The following COL11A1 variants were observed in gnomAD, a reference collection of about 807,000 sequenced individuals.
The protein encoded by COL11A1 is collagen alpha-1(XI) chain.
In COL11A1, 74 loss-of-function variants were observed where a neutral mutation model predicts 265.2. That is an observed-to-expected ratio of 0.28 (90% CI 0.23 to 0.34). The LOEUF is 0.34. Ranked by LOEUF, COL11A1 falls within the 10% of genes least tolerant of loss-of-function variation. The pLI is 1.00. For missense variants in COL11A1, 2,165 were observed against 2,263.6 expected, an observed-to-expected ratio of 0.96 and a Z score of 0.88; for synonymous variants, 816 against 727.6, an observed-to-expected ratio of 1.12 and a Z score of -1.96.
intron 2 of COL11A1, among the ~76,000 whole-genome samples, chr1:103,081,980 T>G (rs1672452530): frequency 6.6e-6 from 1 of 151,982 alleles, no homozygotes; most frequent in Admixed American, 6.6e-5. Context: ...AATAGATAAC[T>G]GGTATGTATC....
intron 42 of COL11A1, among the ~76,000 whole-genome samples, chr1:102,945,494 G>C (rs3126212): frequency 6.6e-6 from 1 of 152,114 alleles, no homozygotes; most frequent in African/African-American, 2.4e-5. Context: ...AGAATAATCA[G>C]AGAAAATGCA....
At chr1:102,944,941 T>G (rs1056534385) in intron 42 of COL11A1, among the ~76,000 whole-genome samples, 29 of 152,300 alleles carry the variant, frequency 1.9e-4, no homozygotes, top group African/African-American at 6.7e-4. Flanking sequence ...ATAAAATATA[T>G]TTTCTCAGCA....
chr1:102,933,453 A>C (rs567333937), intron 46 of COL11A1, among the ~76,000 whole-genome samples: 1 of 151,540 alleles, frequency 6.6e-6, no homozygotes, highest in East Asian at 2.0e-4. Context: ...GCCTGTTCTC[A>C]GATCTCCAGC....
intron 1 of COL11A1, among the ~76,000 whole-genome samples, chr1:103,103,566 A>G (rs1416160279): frequency 6.6e-6 from 1 of 151,994 alleles, no homozygotes; most frequent in Non-Finnish European, 1.5e-5. Context: ...TTTTCTATTT[A>G]AATTTCTTTA....
chr1:102,966,177 T>C (rs1661384844), intron 37 of COL11A1, among the ~76,000 whole-genome samples: 1 of 152,194 alleles, frequency 6.6e-6, no homozygotes, highest in Admixed American at 6.5e-5. Flanking sequence ...GCATATATTC[T>C]GGTATTTATT....
At chr1:103,044,894 A>T (rs913224516) in intron 4 of COL11A1, among the ~76,000 whole-genome samples, 1 of 152,068 alleles carries the variant, frequency 6.6e-6, no homozygotes, top group Non-Finnish European at 1.5e-5. Flanking sequence ...GTAAGAAAGG[A>T]TAGCGAATAT....
chr1:103,003,152 G>T, intron 21 of COL11A1, 63 bp downstream of exon 21: 1 of 1,549,388 alleles, frequency 6.5e-7, no homozygotes, highest in Admixed American at 1.7e-5. Context: ...GGCTTTTATG[G>T]CCTCTAAAAG....
chr1:103,031,033 T>A, intron 5 of COL11A1, 83 bp downstream of exon 5: 1 of 1,461,986 alleles, frequency 6.8e-7, no homozygotes, highest in Non-Finnish European at 9.5e-7. Context: ...TAAAATGGAA[T>A]AAATAAGTAT....
At chr1:103,061,345 AG>A (rs1670659832) in intron 4 of COL11A1, among the ~76,000 whole-genome samples, 1 of 152,176 alleles carries the variant, frequency 6.6e-6, no homozygotes, top group African/African-American at 2.4e-5. Context: ...AATATACAGC[AG>A]GCAGAAATTA....
At chr1:103,062,608 C>T (rs1287012227) in intron 4 of COL11A1, among the ~76,000 whole-genome samples, 1 of 151,852 alleles carries the variant, frequency 6.6e-6, no homozygotes, top group Non-Finnish European at 1.5e-5. Context: ...AAGCATTTGA[C>T]AAAATACAGC....
chr1:102,943,717 G>T (rs982755989), intron 42 of COL11A1, among the ~76,000 whole-genome samples: 4 of 152,064 alleles, frequency 2.6e-5, no homozygotes, highest in African/African-American at 9.7e-5. Context: ...GCTAGAAATT[G>T]TAAATAAGTA....
chr1:102,930,652 G>A (rs1657297900), intron 46 of COL11A1, among the ~76,000 whole-genome samples: 1 of 152,224 alleles, frequency 6.6e-6, no homozygotes, highest in Non-Finnish European at 1.5e-5. Flanking sequence ...GATTGGAATA[G>A]TTTCAGAAGG....
intron 54 of COL11A1, among the ~76,000 whole-genome samples, chr1:102,899,629 G>A (rs1307010370): frequency 1.3e-5 from 2 of 151,866 alleles, no homozygotes; most frequent in African/African-American, 4.8e-5. Flanking sequence ...AAAAGCATAA[G>A]TACAGAATGA....
At chr1:102,934,422 G>C (rs749636154) in intron 46 of COL11A1, 27 bp downstream of exon 46, 11 of 1,474,198 alleles carry the variant, frequency 7.5e-6, no homozygotes, top group Non-Finnish European at 1.0e-5. Context: ...AGAAATGATG[G>C]AGTAAACAAT....
intron 4 of COL11A1, among the ~76,000 whole-genome samples, chr1:103,050,770 T>C (rs113111395): frequency 0.14 from 20,873 of 152,150 alleles, 1,535 homozygotes; most frequent in African/African-American, 0.15. Context: ...GACGTACAGA[T>C]GGGTTTTTGG....
chr1:102,978,949 G>A (rs1238704181), intron 33 of COL11A1, 36 bp from the exon 34 acceptor site: 1 of 1,613,048 alleles, frequency 6.2e-7, no homozygotes, highest in African/African-American at 1.3e-5. Flanking sequence ...CCAAACTAAT[G>A]CCAGACAAAT....
At chr1:102,884,296 C>G (rs756118419) in intron 63 of COL11A1, 23 of 152,150 alleles carry the variant, frequency 1.5e-4, no homozygotes, top group Non-Finnish European at 3.2e-4. Flanking sequence ...ACATACTACT[C>G]TAACTGTTAT....
chr1:102,944,820 G>A (rs1659087124), intron 42 of COL11A1, among the ~76,000 whole-genome samples: 1 of 151,886 alleles, frequency 6.6e-6, no homozygotes, highest in East Asian at 1.9e-4. Context: ...TATTTTCTCT[G>A]TATGCATTAT....
At chr1:103,036,322 GTATATATA>G (rs3056958) in intron 4 of COL11A1, among the ~76,000 whole-genome samples, 7,677 of 140,268 alleles carry the variant, frequency 0.055, 518 homozygotes, top group African/African-American at 0.16. Context: ...AGTTGCTATC[GTATATATA>G]TATATATATA....
Sources: allele counts gnomAD v4.1 joint callset (sites outside exome capture counted in the v4.1 genomes callset), GRCh38; gene constraint gnomAD v4.1.1; transcripts MANE v1.5; gene names NCBI Gene and HGNC (gene_info 2026-07-23, HGNC 2026-07-21).